The following TOPBP1 variants were observed in gnomAD, a reference collection of about 807,000 sequenced individuals.
The protein encoded by TOPBP1 is DNA topoisomerase II binding protein 1.
In TOPBP1, 28 loss-of-function variants were observed where a neutral mutation model predicts 167.7. That is an observed-to-expected ratio of 0.17 (90% CI 0.12 to 0.23). The LOEUF is 0.23. TOPBP1 is among the 10% of genes least tolerant of loss of function. The pLI, the probability that TOPBP1 is intolerant of heterozygous loss-of-function variation, is 1.00. For missense variants in TOPBP1, 1,554 were observed against 1,809.6 expected (o/e 0.86, Z 2.56); for synonymous variants, 598 against 611.4 (o/e 0.98, Z 0.32).
chr3:133,655,241 A>C (rs751385313), intron 6 of TOPBP1, 49 bp downstream of exon 6: 1 of 1,153,758 alleles, frequency 8.7e-7, no homozygotes. Context: ...TAAAATATTA[A>C]ATACTAGAGA....
intron 27 of TOPBP1, among the ~76,000 whole-genome samples, chr3:133,608,171 A>C (rs578160346): frequency 1.3e-5 from 2 of 152,302 alleles, no homozygotes; most frequent in African/African-American, 4.8e-5. Flanking sequence ...ATAGGTATTT[A>C]ATGTACATGA....
chr3:133,605,727 C>G (rs1205666217), intron 27 of TOPBP1, among the ~76,000 whole-genome samples: 2 of 152,150 alleles, frequency 1.3e-5, no homozygotes, highest in African/African-American at 2.4e-5. Flanking sequence ...GAGGCCCAAT[C>G]TCACCACTTC....
At chr3:133,657,229 A>G (rs924189883) in intron 4 of TOPBP1, among the ~76,000 whole-genome samples, 8 of 151,540 alleles carry the variant, frequency 5.3e-5, no homozygotes, top group Non-Finnish European at 8.8e-5. Flanking sequence ...CTGTAATTCC[A>G]GCTACTCGGG....
At chr3:133,626,787 TGC>T (rs774995673) in intron 16 of TOPBP1, among the ~76,000 whole-genome samples, 102 of 152,348 alleles carry the variant, frequency 6.7e-4, no homozygotes, top group Non-Finnish European at 1.3e-3. Context: ...ATTTCTCCTA[TGC>T]ATCACAGAGT....
At chr3:133,632,710 TCTTC>T (rs1320320084) in intron 14 of TOPBP1, among the ~76,000 whole-genome samples, 1 of 152,102 alleles carries the variant, frequency 6.6e-6, no homozygotes, top group Admixed American at 6.5e-5. Context: ...CTCCTGCAAG[TCTTC>T]CTTCTCTCAT....
At position 133,659,118 on chromosome 3, in the gene TOPBP1, A is replaced by G; in HGVS notation, c.117T>C (p.Leu39=). 1.3e-6 allele frequency: 2 copies of G among 1,580,366 alleles called. No individual in the cohort carries two copies. The change falls in exon 3 of 28, where the codon CTT becomes CTC. Residue 39 remains leucine (L), a synonymous_variant. Transcript: ENST00000260810. ...ATGCCTCTTCTTCTGTAATAATCTG[A>G]AGATATTCTTCTGATTGGAATTCTT... ...SIKEFQSEEY[L]QIITEEEALK...
chr3:133,645,808 G>A (rs528728401), intron 10 of TOPBP1, among the ~76,000 whole-genome samples: 1 of 152,162 alleles, frequency 6.6e-6, no homozygotes, highest in African/African-American at 2.4e-5. Context: ...CAAACAGACC[G>A]CACCCAAAAG....
intron 17 of TOPBP1, 121 bp downstream of exon 17, chr3:133,623,931 C>T: frequency 7.3e-6 from 9 of 1,240,588 alleles, no homozygotes; most frequent in South Asian, 5.3e-5. Context: ...TACAGTTAAC[C>T]AAGACTATTA....
At chr3:133,618,983 G>C (rs2107781266) in intron 20 of TOPBP1, among the ~76,000 whole-genome samples, 1 of 151,860 alleles carries the variant, frequency 6.6e-6, no homozygotes, top group Non-Finnish European at 1.5e-5. Flanking sequence ...ACAGGGAAGT[G>C]CATTTTATGG....
At position 133,628,633 on chromosome 3, in the gene TOPBP1, G is replaced by A. The variant is rs376799164; in HGVS notation, c.2621C>T (p.Ala874Val). 30 of 1,601,138 alleles carry A rather than the reference G, an allele frequency of 1.9e-5. No individual in the cohort carries two copies. The African/African-American group carries it at 2.5e-4, about 14-fold the overall frequency. The change falls in exon 15 of 28, where the codon GCT becomes GTT. Residue 874 changes from alanine to valine, a missense_variant. Physicochemically the swap from Ala to Val is moderately conservative, Grantham distance 64. Transcript: ENST00000260810. ...AGCATTTCGAGAGCTATTTGCCAAA[G>A]CAAGTTGCAAGTTTTTGACAATAAC... ...SEVIVKNLQL[A>V]LANSSRNAVA... is the part of the protein sequence containing the mutation.
At chr3:133,634,449 C>T (rs771679906) in intron 14 of TOPBP1, among the ~76,000 whole-genome samples, 3 of 152,082 alleles carry the variant, frequency 2.0e-5, no homozygotes, top group Non-Finnish European at 4.4e-5. Context: ...GCAGAGGTTG[C>T]AGTGAGCTGA....
At chr3:133,626,256 G>C (rs924749155) in intron 16 of TOPBP1, among the ~76,000 whole-genome samples, 2 of 152,128 alleles carry the variant, frequency 1.3e-5, no homozygotes, top group African/African-American at 4.8e-5. Flanking sequence ...ATACACCCTT[G>C]GTCTAGATCA....
intron 27 of TOPBP1, among the ~76,000 whole-genome samples, chr3:133,608,147 C>T (rs956892049): frequency 1.3e-5 from 2 of 152,052 alleles, no homozygotes; most frequent in African/African-American, 2.4e-5. Flanking sequence ...CTTAAATTTA[C>T]CACAGTGTCT....
chr3:133,618,817 C>G (rs910158345), intron 20 of TOPBP1, among the ~76,000 whole-genome samples: 4 of 152,204 alleles, frequency 2.6e-5, no homozygotes, highest in Admixed American at 1.3e-4. Context: ...ACTATGGTTA[C>G]TTTACTTAAC....
At chr3:133,624,210 G>A (rs1269247759) in intron 16 of TOPBP1, 35 bp from the exon 17 acceptor site, 2 of 1,603,506 alleles carry the variant, frequency 1.2e-6, no homozygotes, top group Non-Finnish European at 1.7e-6. Flanking sequence ...AAATAACCAA[G>A]AGAAACATCC....
intron 8 of TOPBP1, among the ~76,000 whole-genome samples, chr3:133,650,381 G>GC (rs201268230): frequency 0.19 from 17,958 of 96,400 alleles, 1,609 homozygotes; most frequent in Middle Eastern, 0.3. Flanking sequence ...CGGGGGGAGG[G>GC]GTTGTTTTTT....
chr3:133,604,913 C>T (rs1045992381), intron 27 of TOPBP1, among the ~76,000 whole-genome samples: 6 of 150,932 alleles, frequency 4.0e-5, no homozygotes, highest in Non-Finnish European at 7.4e-5. Context: ...AGCAAGACTC[C>T]ATCTAAAAAA....
intron 16 of TOPBP1, among the ~76,000 whole-genome samples, chr3:133,625,453 G>C (rs1433383288): frequency 6.6e-6 from 1 of 152,160 alleles, no homozygotes; most frequent in African/African-American, 2.4e-5. Context: ...GAAGCTGGGT[G>C]CAGTGGCAGT....
chr3:133,620,411 A>T lies in TOPBP1; in HGVS notation c.3179-64T>A, dbSNP rs956743124. On this transcript the variant is annotated intron_variant, in intron 19 of 27. Transcript: ENST00000260810. ...CTCTTTTTTACCATATCTTACATTA[A>T]CTATTTTGTTTAGACCTGGTTGAAC... 2.1e-5 allele frequency: 32 copies of T among 1,532,918 alleles called. No homozygotes were observed. In the African/African-American group the frequency reaches 4.0e-4, roughly 19 times the overall value. 95.0% of individuals were successfully genotyped at this position (1,532,918 alleles called of 1,614,324 possible). A position where few individuals can be genotyped will look rare whatever the true frequency, so the allele number is the denominator to read the frequency against.
Sources: allele counts gnomAD v4.1 joint callset (sites outside exome capture counted in the v4.1 genomes callset), GRCh38; gene constraint gnomAD v4.1.1; transcripts MANE v1.5; gene names NCBI Gene and HGNC (gene_info 2026-07-23, HGNC 2026-07-21).